Variants in ENTR1 observed in about 807,000 individuals in gnomAD.
The protein encoded by ENTR1 is endosome associated trafficking regulator 1.
A neutral mutation model predicts 47.9 loss-of-function variants in ENTR1; 47 were observed. The observed-to-expected ratio is 0.98, with a 90% CI of 0.78 to 1.25. The LOEUF (loss-of-function observed/expected upper bound fraction) is 1.25. Among genes scored for constraint, ENTR1 ranks in the 50% most tolerant of loss-of-function variants. The probability of loss-of-function intolerance (pLI) is 0.00; values close to 1 mark genes in which losing one functional copy is unlikely to be tolerated. For missense variants in ENTR1, 668 were observed against 570.5 expected (o/e 1.17, Z -1.74); for synonymous variants, 290 against 245.8 (o/e 1.18, Z -1.68).
At position 136,407,529 on chromosome 9, in the gene ENTR1, G is replaced by C; in HGVS notation, c.435C>G (p.His145Gln). The change falls in exon 5 of 10, where the codon CAC (histidine) becomes CAG (glutamine). Residue 145 changes from histidine (H) to glutamine (Q), a missense_variant. Transcript: ENST00000357365. ...CGCCGGTTTGGGAGGGTGGGGAGTT[G>C]TGGTCAAGTCCCAGGGAATGCCTCG... ...EASRHSLGLD[H>Q]NSPPSQTGGY... 1 of 1,598,570 alleles carries C rather than the reference G, an allele frequency of 6.3e-7. No individual in the cohort carries two copies. The highest frequency in any genetic ancestry group is 8.5e-7 in the Non-Finnish European group (1 of 1,174,566).
At chr9:136,404,768 C>G in intron 7 of ENTR1, 75 bp from the exon 8 acceptor site, 1 of 1,528,354 alleles carries the variant, frequency 6.5e-7, no homozygotes, top group Admixed American at 1.7e-5. Context: ...GGGCCCCAAC[C>G]CAGGGAGCAG....
At chr9:136,404,557 G>C (rs549540636) in intron 8 of ENTR1, 74 bp downstream of exon 8, 7 of 1,499,488 alleles carry the variant, frequency 4.7e-6, no homozygotes, top group Non-Finnish European at 6.5e-6. Flanking sequence ...AGAGTCTTTC[G>C]CCTCTTTCTT....
At chr9:136,407,781 C>A (rs1834851725) in intron 4 of ENTR1, 45 bp downstream of exon 4, 1 of 1,489,774 alleles carries the variant, frequency 6.7e-7, no homozygotes, top group Non-Finnish European at 9.4e-7. Flanking sequence ...GAGGCCGGAA[C>A]AGAAACGTCC....
At position 136,409,863 on chromosome 9, in the gene ENTR1, C is replaced by A. The variant is rs1385963994; in HGVS notation, c.220+227G>T. The A allele has an allele frequency of 4.4e-6, 3 of 689,346 alleles. No individual in the cohort carries two copies. In the African/African-American group the frequency reaches 5.3e-5, roughly 12 times the overall value. 42.7% of individuals were successfully genotyped at this position (689,346 alleles called of 1,614,324 possible). A position where few individuals can be genotyped will look rare whatever the true frequency, so the allele number is the denominator to read the frequency against. On this transcript the variant is annotated intron_variant, in intron 2 of 9. Transcript: ENST00000357365. ...AAAGCGGGCGGGCTCCTGTGCTCCC[C>A]GGGCACTAACCATCCTGTACTGGAA...
At chr9:136,409,890 T>G (rs1259709303) in intron 2 of ENTR1, 200 bp downstream of exon 2, 1 of 734,422 alleles carries the variant, frequency 1.4e-6, no homozygotes, top group Non-Finnish European at 2.5e-6. Context: ...GTACTGGAAC[T>G]GTCTGTCTTG....
In ENTR1 at chr9:136,408,964, G is replaced by A. The variant is rs765289696; in HGVS notation, c.289+35C>T. 6.4e-6 allele frequency: 10 copies of A among 1,572,096 alleles called. No individual in the cohort carries two copies. The African/African-American group carries it at 1.2e-4, about 19-fold the overall frequency. ...ACACGTGCCTGGCACTGTGTTGGAT[G>A]GAGACAAGAAGAAAAGGTTGCTGAA... On this transcript the variant is annotated intron_variant, in intron 3 of 9. Transcript: ENST00000357365.
At chr9:136,404,260 G>T in intron 8 of ENTR1, 66 bp from the exon 9 acceptor site, 1 of 1,540,988 alleles carries the variant, frequency 6.5e-7, no homozygotes, top group South Asian at 1.2e-5. Flanking sequence ...GTCACCACCT[G>T]GCGAGGCGAG....
chr9:136,408,690 C>T (rs1834904447), intron 3 of ENTR1, among the ~76,000 whole-genome samples: 1 of 152,156 alleles, frequency 6.6e-6, no homozygotes, highest in Admixed American at 6.5e-5. Flanking sequence ...GCCCACTTTT[C>T]CCTTCTCCCT....
chr9:136,407,271 C>A lies in ENTR1; in HGVS notation c.693G>T (p.Ala231=). Residue 231 remains alanine, a synonymous_variant, in exon 5 of 10, where the codon GCG becomes GCT. Coordinates refer to ENST00000357365, the MANE Select transcript of ENTR1 (RefSeq NM_001039707.2). ...LAGPESLPSW[A]LSDTDSRVSP... is the part of the protein sequence containing the mutation. Reference sequence around the variant, plus strand: ...ACACGCGAGAATCAGTGTCACTCAACGCCCACGAGGGCAGAGACTCAGGCC... The same window carrying A: ...ACACGCGAGAATCAGTGTCACTCAAAGCCCACGAGGGCAGAGACTCAGGCC... The A allele has an allele frequency of 1.2e-6, 2 of 1,612,942 alleles. No individual in the cohort carries two copies. Among genetic ancestry groups the A allele is most frequent in the Non-Finnish European group, 1.7e-6 (2 of 1,179,944 alleles).
Position 136,402,779 on chromosome 9 carries a change from CA to C in ENTR1, c.*8del. 1 of 1,596,414 alleles carries C rather than the reference CA, an allele frequency of 6.3e-7. No individual in the cohort carries two copies. Among genetic ancestry groups the C allele is most frequent in the Non-Finnish European group, 8.6e-7 (1 of 1,165,154 alleles). ...CACGGAGCTTCATGCTGAGAACACC[CA>C]GGGGTCCTCAAGAGTCTTCCTCCTC... On this transcript the variant is annotated 3_prime_UTR_variant, in exon 10 of 10. Transcript: ENST00000357365.
rs1245295155 is a variant in ENTR1 at position 136,410,596 on chromosome 9, G to C, written c.-199C>G. 7.9e-7 allele frequency: 1 copy of C among 1,267,842 alleles called. No individual in the cohort carries two copies. 78.5% of individuals were successfully genotyped at this position (1,267,842 alleles called of 1,614,324 possible). On this transcript the variant is annotated 5_prime_UTR_variant, in exon 1 of 10. Transcript: ENST00000357365. ...CGAAAGCGCGTGCCTGAACGCCTTG[G>C]GCCGTCGGCGAGGGGGAGGGGAAGC... is the stretch of plus-strand genomic sequence containing the variant.
chr9:136,406,245 G>A lies in ENTR1; in HGVS notation c.820-267C>T, dbSNP rs545174593. Among the ~76,000 whole-genome samples the A allele has an allele frequency of 6.6e-5, 10 of 152,128 alleles. No individual in the cohort carries two copies. In the South Asian group the frequency reaches 2.1e-3, roughly 32 times the overall value. On this transcript the variant is annotated intron_variant, in intron 5 of 9. Transcript: ENST00000357365. ...AGCACTTTGGGAGGCCGAGGTGGGC[G>A]GATCACAAGGTCAGGAGTTTGAGAC...
At position 136,407,358 on chromosome 9, in the gene ENTR1, A is replaced by G; in HGVS notation, c.606T>C (p.Pro202=). ...ATGTGCTGCAGGGCGACGTGCCGGC[A>G]GGGACCCTCTCGGGGTGAGTCTGCT... ...AIEQTHPERV[P]AGTSPCSTYL... The change falls in exon 5 of 10, where the codon CCT becomes CCC. Residue 202 remains proline (P), a synonymous_variant. Coordinates refer to ENST00000357365, the MANE Select transcript of ENTR1 (RefSeq NM_001039707.2). The G allele has an allele frequency of 6.2e-7, 1 of 1,607,730 alleles. No homozygotes were observed.
Position 136,407,497 on chromosome 9 carries a change from C to A in ENTR1, c.467G>T (p.Gly156Val). 2 of 1,609,070 alleles carry A rather than the reference C, an allele frequency of 1.2e-6. No homozygotes were observed. Among genetic ancestry groups the A allele is most frequent in the Non-Finnish European group, 1.7e-6 (2 of 1,179,310 alleles). The part of the protein sequence containing the change: ...NSPPSQTGGY[G>V]LEYQQPFFED... The stretch of plus-strand genomic sequence containing the variant: ...GAAAAATGGCTGCTGATACTCCAGG[C>A]CATACCCGCCGGTTTGGGAGGGTGG... The change falls in exon 5 of 10, where the codon GGC becomes GTC. Residue 156 changes from glycine to valine, a missense_variant. Physicochemically the swap from Gly to Val is moderately radical, Grantham distance 109. Transcript: ENST00000357365.
At chr9:136,407,965 TA>T in intron 3 of ENTR1, 27 bp from the exon 4 acceptor site, 1 of 1,429,942 alleles carries the variant, frequency 7.0e-7, no homozygotes, top group South Asian at 1.1e-5. Flanking sequence ...CACAAATGCA[TA>T]AAGTCTACTG....
At position 136,410,111 on chromosome 9, in the gene ENTR1, G is replaced by A. The variant is rs369753568; in HGVS notation, c.199C>T (p.Leu67=). Residue 67 remains leucine, a synonymous_variant, in exon 2 of 10, where the codon CTG becomes TTG. Transcript: ENST00000357365. ...AFMCYVPSPV[L]ASVGDTDFGY... Reference sequence around the variant, plus strand: ...TCACCTGTGTCTCCCACGGAAGCCAGCACCGGGCTGGGCACATAGCACATA... The same window carrying A: ...TCACCTGTGTCTCCCACGGAAGCCAACACCGGGCTGGGCACATAGCACATA... 6 of 1,612,726 alleles carry A rather than the reference G, an allele frequency of 3.7e-6. No homozygotes were observed. The African/African-American group carries it at 6.7e-5, about 18-fold the overall frequency.
At chr9:136,406,321 T>G (rs1198911105) in intron 5 of ENTR1, among the ~76,000 whole-genome samples, 1 of 151,414 alleles carries the variant, frequency 6.6e-6, no homozygotes, top group African/African-American at 2.4e-5. Context: ...ATACAAAAAT[T>G]AGCCAGCAGT....
intron 5 of ENTR1, among the ~76,000 whole-genome samples, chr9:136,406,380 A>G (rs1463484163): frequency 6.6e-6 from 1 of 151,882 alleles, no homozygotes; most frequent in Non-Finnish European, 1.5e-5. Flanking sequence ...GAAGCAGGAG[A>G]ATCACTTGAA....
intron 2 of ENTR1, 192 bp downstream of exon 2, chr9:136,409,898 T>C (rs922646881): frequency 1.3e-6 from 1 of 751,944 alleles, no homozygotes; most frequent in Admixed American, 2.0e-5. Context: ...ACTGTCTGTC[T>C]TGGGGGAGGT....
Sources: allele counts gnomAD v4.1 joint callset (sites outside exome capture counted in the v4.1 genomes callset), GRCh38; gene constraint gnomAD v4.1.1; transcripts MANE v1.5; gene names NCBI Gene and HGNC (gene_info 2026-07-23, HGNC 2026-07-21).